Variants in ADK observed in about 807,000 individuals in gnomAD.
ADK encodes N6,N6-dimethyladenosine kinase.
A neutral mutation model predicts 44.7 loss-of-function variants in ADK; 24 were observed. That is an observed-to-expected ratio of 0.54 (90% CI 0.39 to 0.76). The LOEUF (loss-of-function observed/expected upper bound fraction) is 0.76. Ranked by LOEUF, ADK falls within the 30% of genes least tolerant of loss-of-function variation. ADK has a pLI of 0.00. For synonymous variants in ADK, 128 were observed against 142.6 expected (o/e 0.90, Z 0.73); for missense variants, 321 against 425.1 (o/e 0.76, Z 2.15).
At chr10:74,341,208 T>A (rs977471130) in intron 4 of ADK, among the ~76,000 whole-genome samples, 3 of 152,140 alleles carry the variant, frequency 2.0e-5, no homozygotes, top group African/African-American at 7.2e-5. Context: ...TTACAATGTT[T>A]ATACTAAGGT....
At chr10:74,329,619 A>G (rs1329388718) in intron 4 of ADK, among the ~76,000 whole-genome samples, 1 of 152,188 alleles carries the variant, frequency 6.6e-6, no homozygotes, top group African/African-American at 2.4e-5. Context: ...ATGTTAGGTG[A>G]CCACTGGGAA....
At chr10:74,528,199 A>G (rs1849134039) in intron 7 of ADK, 1 of 585,158 alleles carries the variant, frequency 1.7e-6, no homozygotes, top group East Asian at 3.1e-5. Context: ...CTTTGTGTAC[A>G]TATCTGCAAA....
At position 74,252,469 on chromosome 10, in the gene ADK, G is replaced by A. The variant is rs376212989; in HGVS notation, c.194+27878G>A. On this transcript the variant is annotated intron_variant, in intron 3 of 10. Transcript: ENST00000539909. ...TGTCTGAAGTAAATAGAAAGGCACTGTAGGGCTTGCATTACTGTTGAGACA... is the reference window on the plus strand; with the variant it reads ...TGTCTGAAGTAAATAGAAAGGCACTATAGGGCTTGCATTACTGTTGAGACA... Among the ~76,000 whole-genome samples, 176 of 152,322 alleles carry A rather than the reference G, an allele frequency of 1.2e-3. 4 individuals are homozygous for A. In the South Asian group the frequency reaches 0.035, roughly 30 times the overall value.
chr10:74,368,426 GTGTTT>G (rs1350830816), intron 4 of ADK, among the ~76,000 whole-genome samples: 1 of 151,750 alleles, frequency 6.6e-6, no homozygotes, highest in East Asian at 1.9e-4. Context: ...ACCTTTTGCA[GTGTTT>G]TTTTTTTTAA....
chr10:74,671,038 T>TAAAAAAAAAAAAAAAAA (rs10670267), intron 10 of ADK, among the ~76,000 whole-genome samples: 8 of 99,094 alleles, frequency 8.1e-5, no homozygotes, highest in Non-Finnish European at 1.3e-4. Context: ...CAGGTTAATT[T>TAAAAAAAAAAAAAAAAA]AAAAAAAAAA....
At chr10:74,667,023 G>A (rs1176437045) in intron 9 of ADK, among the ~76,000 whole-genome samples, 1 of 151,702 alleles carries the variant, frequency 6.6e-6, no homozygotes, top group African/African-American at 2.4e-5. Flanking sequence ...TAGAGACAGG[G>A]TTTTACCATG....
chr10:74,443,822 T>A (rs953607431), intron 6 of ADK, among the ~76,000 whole-genome samples: 2 of 152,152 alleles, frequency 1.3e-5, no homozygotes, highest in Non-Finnish European at 2.9e-5. Flanking sequence ...TACATTATAA[T>A]ATGAAAGGCA....
At chr10:74,161,233 G>A (rs1483773395) in intron 1 of ADK, among the ~76,000 whole-genome samples, 1 of 152,018 alleles carries the variant, frequency 6.6e-6, no homozygotes, top group African/African-American at 2.4e-5. Context: ...ATGAAGTCTC[G>A]CTCTGCTGCC....
chr10:74,513,526 T>A (rs1848432457), intron 6 of ADK, among the ~76,000 whole-genome samples: 1 of 152,132 alleles, frequency 6.6e-6, no homozygotes, highest in African/African-American at 2.4e-5. Flanking sequence ...ACTTGAAGAG[T>A]GTTTTACCTC....
intron 3 of ADK, among the ~76,000 whole-genome samples, chr10:74,232,376 G>T (rs901499260): frequency 2.0e-5 from 3 of 151,930 alleles, no homozygotes; most frequent in African/African-American, 7.2e-5. Context: ...AAAAAAATTA[G>T]CTGGGCATGG....
intron 7 of ADK, among the ~76,000 whole-genome samples, chr10:74,562,806 A>G (rs1403094216): frequency 3.9e-5 from 6 of 152,204 alleles, no homozygotes; most frequent in Non-Finnish European, 2.9e-5. Flanking sequence ...TGTGTCAAGT[A>G]CAAGCTGTTG....
intron 4 of ADK, among the ~76,000 whole-genome samples, chr10:74,355,817 T>C (rs1842117974): frequency 6.6e-6 from 1 of 152,046 alleles, no homozygotes; most frequent in Non-Finnish European, 1.5e-5. Context: ...TTGGTAAACA[T>C]TAGGTGCTAT....
At chr10:74,476,877 C>A (rs1341613379) in intron 6 of ADK, among the ~76,000 whole-genome samples, 1 of 152,148 alleles carries the variant, frequency 6.6e-6, no homozygotes, top group Non-Finnish European at 1.5e-5. Flanking sequence ...ATGTCACATA[C>A]ATGAAATTAT....
intron 1 of ADK, among the ~76,000 whole-genome samples, chr10:74,184,603 T>G (rs1445665104): frequency 4.6e-5 from 7 of 151,658 alleles, no homozygotes; most frequent in African/African-American, 1.7e-4. Flanking sequence ...TTGAACCTCC[T>G]GGCCTCAAAC....
At chr10:74,203,072 G>T (rs1843456081) in intron 2 of ADK, among the ~76,000 whole-genome samples, 1 of 152,182 alleles carries the variant, frequency 6.6e-6, no homozygotes, top group Admixed American at 6.5e-5. Flanking sequence ...TAAGAGTTTT[G>T]TAGTTTAAGG....
At chr10:74,469,977 T>C (rs1045557383) in intron 6 of ADK, among the ~76,000 whole-genome samples, 5 of 151,846 alleles carry the variant, frequency 3.3e-5, no homozygotes, top group Non-Finnish European at 7.4e-5. Flanking sequence ...GATTTCCTTC[T>C]CTCTTTTTTT....
chr10:74,326,294 T>A (rs1372307050), intron 4 of ADK, among the ~76,000 whole-genome samples: 1 of 152,176 alleles, frequency 6.6e-6, no homozygotes, highest in Non-Finnish European at 1.5e-5. Flanking sequence ...GAAGAATTCG[T>A]ATTAGTTTCG....
At chr10:74,482,003 T>C (rs1003286636) in intron 6 of ADK, among the ~76,000 whole-genome samples, 1 of 152,236 alleles carries the variant, frequency 6.6e-6, no homozygotes, top group African/African-American at 2.4e-5. Context: ...TAGTTTTTAG[T>C]CACTTTCAGC....
chr10:74,577,778 C>T lies in ADK; in HGVS notation c.727-11504C>T, dbSNP rs556922285. On this transcript the variant is annotated intron_variant, in intron 7 of 10. Transcript: ENST00000539909. The stretch of plus-strand genomic sequence containing the variant: ...TCAAAAGTGCCAAAGAGTAGTAGAC[C>T]TTTTGTGATATGTTCTAGTCAAAAT... Among the ~76,000 whole-genome samples the T allele has an allele frequency of 1.8e-3, 274 of 152,164 alleles. 1 individual carries two copies. Among genetic ancestry groups the T allele is most frequent in the African/African-American group, 6.3e-3 (260 of 41,532 alleles).
Sources: allele counts gnomAD v4.1 joint callset (sites outside exome capture counted in the v4.1 genomes callset), GRCh38; gene constraint gnomAD v4.1.1; transcripts MANE v1.5; gene names NCBI Gene and HGNC (gene_info 2026-07-23, HGNC 2026-07-21).